RBFOX3: variants seen among roughly 807,000 people sequenced by gnomAD.
RBFOX3 encodes RNA binding fox-1 homolog 3.
In RBFOX3, 17 loss-of-function variants were observed where a neutral mutation model predicts 48.7. The ratio of observed to expected loss-of-function variants is 0.35; its 90% CI spans 0.24 to 0.52. The LOEUF (loss-of-function observed/expected upper bound fraction) is 0.52, where lower values mean the gene tolerates loss of function less well. RBFOX3 is among the 20% of genes least tolerant of loss of function. The pLI is 0.94. For synonymous variants in RBFOX3, 212 were observed against 209.5 expected (o/e 1.01, Z -0.10); for missense variants, 382 against 497.5 (o/e 0.77, Z 2.21).
At chr17:79,140,985 G>T (rs1354303953) in intron 4 of RBFOX3, among the ~76,000 whole-genome samples, 1 of 152,198 alleles carries the variant, frequency 6.6e-6, no homozygotes, top group Non-Finnish European at 1.5e-5. Context: ...AGGCAGCCCG[G>T]GTGGCTTCGC....
Position 79,503,030 on chromosome 17 carries a change from C to T in RBFOX3, c.-319-20432G>A, listed in dbSNP as rs965655492. ...CTGGGAGTCCGAGATCAGGGAGCAG[C>T]GTGGTCGGGTTTTGTGGAGGGCTTT... On this transcript the variant is annotated intron_variant, in intron 1 of 14. Coordinates refer to ENST00000693108, the MANE Select transcript of RBFOX3 (RefSeq NM_001350451.2). 6.6e-5 allele frequency among the ~76,000 whole-genome samples: 10 copies of T among 152,312 alleles called. No individual in the cohort carries two copies. In the South Asian group the frequency reaches 1.5e-3, roughly 22 times the overall value.
rs1316692508 is a variant in RBFOX3 at position 79,535,316 on chromosome 17, T to C, written c.-319-52718A>G. 6.6e-6 allele frequency among the ~76,000 whole-genome samples: 1 copy of C among 152,168 alleles called. No homozygotes were observed. Among genetic ancestry groups the C allele is most frequent in the Non-Finnish European group, 1.5e-5 (1 of 68,016 alleles). On this transcript the variant is annotated intron_variant, in intron 1 of 14. Transcript: ENST00000693108. The surrounding 1 kb of genome is among the most constrained non-coding windows in gnomAD (Gnocchi z 4.5). ...CCTGAAAGACACTCTCTTTGACTCA[T>C]TGGCCAGATCTGGGGATCACCTATA...
intron 2 of RBFOX3, among the ~76,000 whole-genome samples, chr17:79,452,955 C>T (rs1184075088): frequency 6.6e-6 from 1 of 152,226 alleles, no homozygotes; most frequent in African/African-American, 2.4e-5. Context: ...CACGTCTCCC[C>T]TCCAACACCC....
At chr17:79,331,885 C>G (rs2080362906) in intron 2 of RBFOX3, among the ~76,000 whole-genome samples, 1 of 152,238 alleles carries the variant, frequency 6.6e-6, no homozygotes, top group Admixed American at 6.5e-5. Flanking sequence ...GTCCCGACCA[C>G]CCAGTGTGAA....
intron 2 of RBFOX3, among the ~76,000 whole-genome samples, chr17:79,426,075 C>T (rs1317631639): frequency 3.9e-5 from 6 of 152,044 alleles, no homozygotes; most frequent in African/African-American, 7.2e-5. Context: ...GAGACACAGC[C>T]CACAAGCAGA....
At chr17:79,545,600 A>G (rs1417253768) in intron 1 of RBFOX3, among the ~76,000 whole-genome samples, 1 of 152,150 alleles carries the variant, frequency 6.6e-6, no homozygotes, top group African/African-American at 2.4e-5. Context: ...GATTGGTTCA[A>G]TGTCTGCCTT....
chr17:79,091,958 A>T, intron 14 of RBFOX3: 1 of 985,462 alleles, frequency 1.0e-6, no homozygotes, highest in Non-Finnish European at 1.2e-6. Flanking sequence ...ATCGTCAATA[A>T]AATTTAATGA....
At chr17:79,258,325 G>T (rs957721649) in intron 3 of RBFOX3, among the ~76,000 whole-genome samples, 1 of 152,130 alleles carries the variant, frequency 6.6e-6, no homozygotes, top group Admixed American at 6.5e-5. Flanking sequence ...GATCTGAAAC[G>T]GATTCCCGCT....
At chr17:79,180,053 C>T (rs60831555) in intron 4 of RBFOX3, among the ~76,000 whole-genome samples, 47,844 of 152,184 alleles carry the variant, frequency 0.31, 10,158 homozygotes, top group African/African-American at 0.61. Context: ...GAGCCCAATG[C>T]ACAGCTGGAG....
chr17:79,180,901 G>A (rs1331515178), intron 4 of RBFOX3, among the ~76,000 whole-genome samples: 3 of 152,118 alleles, frequency 2.0e-5, no homozygotes, highest in Non-Finnish European at 1.5e-5. Flanking sequence ...CTATGGCTCC[G>A]TGGACATCTT....
chr17:79,097,529 TC>T, intron 10 of RBFOX3, 105 bp from the exon 11 acceptor site: 1 of 617,172 alleles, frequency 1.6e-6, no homozygotes, highest in South Asian at 6.4e-5. Context: ...CCCCAACCCC[TC>T]CCCAAGCCCC....
At position 79,224,427 on chromosome 17, in the gene RBFOX3, C is replaced by T. The variant is rs562953127; in HGVS notation, c.-34+11339G>A. Among the ~76,000 whole-genome samples, 7 of 152,354 alleles carry T rather than the reference C, an allele frequency of 4.6e-5. No homozygotes were observed. The East Asian group carries it at 1.4e-3, about 29-fold the overall frequency. On this transcript the variant is annotated intron_variant, in intron 4 of 14. Transcript: ENST00000693108. ...CCAAGACAGATCAACCAGCTCTTTC[C>T]TCCTCTGGGCACACAGCGCTGGTCC...
chr17:79,576,508 T>C (rs1442387646), intron 1 of RBFOX3, among the ~76,000 whole-genome samples: 1 of 151,334 alleles, frequency 6.6e-6, no homozygotes, highest in African/African-American at 2.4e-5. Context: ...ATGGAAAAGT[T>C]GGAGATGATG....
the RBFOX3 span, among the ~76,000 whole-genome samples, chr17:79,654,705 G>A: frequency 1.3e-5 from 2 of 152,302 alleles, no homozygotes; most frequent in South Asian, 2.1e-4. Context: ...CTTCAGAATC[G>A]TTTTAGCACC....
At chr17:79,290,524 CA>C (rs1314032795) in intron 3 of RBFOX3, among the ~76,000 whole-genome samples, 1 of 152,006 alleles carries the variant, frequency 6.6e-6, no homozygotes, top group Admixed American at 6.6e-5. Flanking sequence ...AGTGGTTCAA[CA>C]CATGCCTGCC....
At position 79,192,586 on chromosome 17, in the gene RBFOX3, G is replaced by T. The variant is rs533357216; in HGVS notation, c.-34+43180C>A. The stretch of plus-strand genomic sequence containing the variant: ...GCAATAGCTCCTTTTTCTAGGGGTG[G>T]ACACGGGGGCTGGATGTGGATGTCC... On this transcript the variant is annotated intron_variant, in intron 4 of 14. Transcript: ENST00000693108. Among the ~76,000 whole-genome samples, 171 of 152,234 alleles carry T rather than the reference G, an allele frequency of 1.1e-3. 1 individual carries two copies. Among genetic ancestry groups the T allele is most frequent in the African/African-American group, 4.0e-3 (165 of 41,536 alleles).
intron 1 of RBFOX3, chr17:79,598,554 G>C (rs2093628219): frequency 6.6e-6 from 1 of 152,052 alleles, no homozygotes; most frequent in African/African-American, 2.4e-5. Flanking sequence ...ACATCCCATG[G>C]TCCTGGAAGA....
chr17:79,514,121 A>G (rs1046734314), intron 1 of RBFOX3, among the ~76,000 whole-genome samples: 6 of 152,066 alleles, frequency 3.9e-5, no homozygotes, highest in Non-Finnish European at 7.4e-5. Flanking sequence ...AGACTTGCCT[A>G]TGACAGCCTC....
intron 1 of RBFOX3, among the ~76,000 whole-genome samples, chr17:79,605,113 C>T (rs944104222): frequency 5.9e-5 from 9 of 152,166 alleles, no homozygotes; most frequent in South Asian, 2.1e-4. Flanking sequence ...CCTTGGTTTG[C>T]GTGGCACACT....
Sources: allele counts gnomAD v4.1 joint callset (sites outside exome capture counted in the v4.1 genomes callset), GRCh38; gene constraint gnomAD v4.1.1; non-coding constraint Gnocchi (gnomAD v3.1); transcripts MANE v1.5; gene names NCBI Gene and HGNC (gene_info 2026-07-23, HGNC 2026-07-21).